The following KIAA1217 variants were observed in gnomAD, a reference collection of about 807,000 sequenced individuals.
KIAA1217 encodes the protein KIAA1217.
A neutral mutation model predicts 163.9 loss-of-function variants in KIAA1217; 88 were observed. The observed-to-expected ratio is 0.54, with a 90% confidence interval of 0.45 to 0.64. The LOEUF (loss-of-function observed/expected upper bound fraction) is 0.64. Among genes scored for constraint, KIAA1217 ranks in the 30% least tolerant of loss-of-function variants. The probability of loss-of-function intolerance (pLI) is 0.00; values close to 1 mark genes in which losing one functional copy is unlikely to be tolerated. For synonymous variants in KIAA1217, 903 were observed against 923.1 expected, an observed-to-expected ratio of 0.98 and a Z score of 0.39; for missense variants, 2,372 against 2,475.0, an observed-to-expected ratio of 0.96 and a Z score of 0.88.
rs558403972 is a variant in KIAA1217, at chr10:24,006,820, A to G, written c.-320-405A>G. Among the ~76,000 whole-genome samples, 5 of 152,186 alleles carry G rather than the reference A, an allele frequency of 3.3e-5. No individual in the cohort carries two copies. In the South Asian group the frequency reaches 8.3e-4, roughly 25 times the overall value. On this transcript the variant is annotated intron_variant, in intron 1 of 18. Coordinates refer to the KIAA1217 transcript ENST00000376462. Reference sequence around the variant, plus strand: ...AGCGGCATAGCCACTGCAGCTGCACATCATCCTTAATAAAGGGATTAGAGA... The same window carrying G: ...AGCGGCATAGCCACTGCAGCTGCACGTCATCCTTAATAAAGGGATTAGAGA...
intron 16 of KIAA1217, among the ~76,000 whole-genome samples, chr10:24,535,749 C>T (rs1276900026): frequency 6.6e-6 from 1 of 152,030 alleles, no homozygotes; most frequent in Non-Finnish European, 1.5e-5. Context: ...TGCACTCCAG[C>T]GTGGGCGACA....
At chr10:23,980,548 G>T (rs1845720097) in intron 1 of KIAA1217, among the ~76,000 whole-genome samples, 1 of 152,126 alleles carries the variant, frequency 6.6e-6, no homozygotes, top group South Asian at 2.1e-4. Flanking sequence ...CTCGGGTTTT[G>T]TGTGGAAAGG....
intron 2 of KIAA1217, among the ~76,000 whole-genome samples, chr10:24,346,241 G>A (rs1346297742): frequency 2.0e-5 from 3 of 152,040 alleles, no homozygotes; most frequent in Admixed American, 6.6e-5. Context: ...AGGTGTGGGC[G>A]GATCACCAGG....
intron 1 of KIAA1217, among the ~76,000 whole-genome samples, chr10:23,721,365 T>C (rs761777147): frequency 2.0e-5 from 3 of 152,228 alleles, no homozygotes; most frequent in Non-Finnish European, 2.9e-5. Flanking sequence ...AGCTTTCACC[T>C]GACTGACTCT....
intron 2 of KIAA1217, among the ~76,000 whole-genome samples, chr10:24,067,787 C>T (rs558702210): frequency 6.2e-4 from 95 of 152,334 alleles, no homozygotes; most frequent in African/African-American, 2.2e-3. Context: ...GTGGTGGGCT[C>T]CACCCAGTTC....
At chr10:24,128,841 G>A (rs1257130733) in intron 2 of KIAA1217, among the ~76,000 whole-genome samples, 1 of 152,120 alleles carries the variant, frequency 6.6e-6, no homozygotes, top group African/African-American at 2.4e-5. Flanking sequence ...TCATAAACTG[G>A]CATTAATAAT....
At chr10:23,988,018 A>C (rs1846055325) in intron 1 of KIAA1217, among the ~76,000 whole-genome samples, 1 of 151,932 alleles carries the variant, frequency 6.6e-6, no homozygotes, top group Admixed American at 6.6e-5. Flanking sequence ...TAAACTGTGA[A>C]TATTTAAAAG....
chr10:23,803,852 A>G (rs1836602658), intron 1 of KIAA1217, among the ~76,000 whole-genome samples: 1 of 152,074 alleles, frequency 6.6e-6, no homozygotes, highest in Admixed American at 6.6e-5. Flanking sequence ...CTTTGATTTT[A>G]CCTGGTGGGT....
chr10:23,774,629 G>A (rs1000268159), intron 1 of KIAA1217, among the ~76,000 whole-genome samples: 5 of 152,146 alleles, frequency 3.3e-5, no homozygotes, highest in Admixed American at 1.3e-4. Context: ...GCTGTTCACA[G>A]GGAGGTGCAG....
intron 2 of KIAA1217, among the ~76,000 whole-genome samples, chr10:24,335,808 C>T (rs549854762): frequency 6.6e-6 from 1 of 151,762 alleles, no homozygotes. Context: ...TAAGAGGTCT[C>T]CTAATGTTGC....
At chr10:23,755,087 A>G (rs997374970) in intron 1 of KIAA1217, among the ~76,000 whole-genome samples, 1 of 152,190 alleles carries the variant, frequency 6.6e-6, no homozygotes, top group African/African-American at 2.4e-5. Context: ...ACTGACACTC[A>G]CAATCCAGGG....
chr10:24,513,455 T>G, intron 10 of KIAA1217, 21 bp downstream of exon 10: 2 of 1,609,146 alleles, frequency 1.2e-6, no homozygotes, highest in South Asian at 1.1e-5. Context: ...GTCACTTGCA[T>G]GTTGAGCTGT....
At chr10:23,857,415 A>G (rs987938219) in intron 1 of KIAA1217, among the ~76,000 whole-genome samples, 2 of 152,236 alleles carry the variant, frequency 1.3e-5, no homozygotes, top group Admixed American at 6.5e-5. Context: ...AAAATGGTCA[A>G]TTAAGGAAAG....
Position 23,965,093 on chromosome 10 carries a change from T to G in KIAA1217, c.-320-42132T>G, listed in dbSNP as rs1383839130. On this transcript the variant is annotated intron_variant, in intron 1 of 18. Transcript: ENST00000376462. ...TGGAGTTGCAGCATTTTAAATGTTA[T>G]AAACTGCATTTCTGTGATTAGGACC... Among the ~76,000 whole-genome samples the G allele has an allele frequency of 2.6e-5, 4 of 152,250 alleles. No homozygotes were observed. The East Asian group carries it at 7.7e-4, about 29-fold the overall frequency.
At chr10:24,379,049 C>T (rs1481404535) in intron 2 of KIAA1217, among the ~76,000 whole-genome samples, 2 of 152,100 alleles carry the variant, frequency 1.3e-5, no homozygotes, top group Non-Finnish European at 2.9e-5. Flanking sequence ...GACCAAAAGG[C>T]AGAGGTTATA....
At chr10:24,520,898 T>C (rs999880087) in intron 11 of KIAA1217, among the ~76,000 whole-genome samples, 6 of 148,892 alleles carry the variant, frequency 4.0e-5, no homozygotes, top group Admixed American at 1.3e-4. Context: ...TTAAATTAAA[T>C]TAAAAACCTG....
At chr10:24,002,331 C>T (rs1846779972) in intron 1 of KIAA1217, among the ~76,000 whole-genome samples, 2 of 152,170 alleles carry the variant, frequency 1.3e-5, no homozygotes, top group South Asian at 4.1e-4. Flanking sequence ...CATAGGTTGT[C>T]CAGGGCTGGG....
intron 1 of KIAA1217, among the ~76,000 whole-genome samples, chr10:23,970,509 T>C (rs767527906): frequency 6.6e-6 from 1 of 152,116 alleles, no homozygotes; most frequent in Non-Finnish European, 1.5e-5. Context: ...GGGGTAAATA[T>C]TGGTCAAAGG....
At chr10:24,457,374 G>GT (rs1483415878) in intron 5 of KIAA1217, among the ~76,000 whole-genome samples, 1 of 151,364 alleles carries the variant, frequency 6.6e-6, no homozygotes. Flanking sequence ...ATGTGTGTGT[G>GT]GGTGGCGGGG....
Sources: gnomAD v4.1 joint callset for allele counts (sites outside exome capture counted in the v4.1 genomes callset) on GRCh38, gnomAD v4.1.1 for gene constraint, MANE v1.5 for transcripts, NCBI Gene and HGNC (gene_info 2026-07-23, HGNC 2026-07-21) for gene names.